The following AMN1 variants were observed in gnomAD, a reference collection of about 807,000 sequenced individuals.
AMN1 encodes protein AMN1 homolog.
Under a neutral mutation model 33.0 loss-of-function variants are expected in AMN1, and 20 were observed. That is an observed-to-expected ratio of 0.61 (90% CI 0.43 to 0.88). The LOEUF is 0.88. AMN1 is among the 40% of genes least tolerant of loss of function. The pLI is 0.00. For missense variants in AMN1, 246 were observed against 307.4 expected (o/e 0.80, Z 1.49); for synonymous variants, 114 against 111.9 (o/e 1.02, Z -0.12).
rs377293296 is a variant in AMN1, at chr12:31,697,426, A to T, written c.535-9T>A. ...ACACCACTGTCAGATACCTAAGCAA[A>T]GGGAAAAAGAAACACAGTCCATGAA... On this transcript the variant is annotated splice_polypyrimidine_tract_variant and intron_variant, in intron 4 of 6. Transcript: ENST00000281471. The T allele has an allele frequency of 2.5e-6, 4 of 1,611,770 alleles. No homozygotes were observed. In the African/African-American group the frequency reaches 5.3e-5, roughly 22 times the overall value.
intron 3 of AMN1, among the ~76,000 whole-genome samples, chr12:31,700,981 G>A (rs1360024334): frequency 1.3e-5 from 2 of 149,150 alleles, no homozygotes; most frequent in Admixed American, 6.7e-5. Context: ...GAGCCAACAC[G>A]CCTGGCCAAT....
chr12:31,672,423 G>T, intron 6 of AMN1, 46 bp from the exon 7 acceptor site: 2 of 1,334,978 alleles, frequency 1.5e-6, no homozygotes, highest in Non-Finnish European at 2.1e-6. Flanking sequence ...AATAAAAAAT[G>T]TTTAATGTTT....
At chr12:31,672,778 T>A in intron 6 of AMN1, 1 of 167,186 alleles carries the variant, frequency 6.0e-6, no homozygotes, top group South Asian at 1.5e-4. Flanking sequence ...GAAGGGAATA[T>A]TTACCAAAAA....
intron 2 of AMN1, among the ~76,000 whole-genome samples, chr12:31,707,559 C>T (rs1422531042): frequency 6.6e-6 from 1 of 152,186 alleles, no homozygotes; most frequent in Non-Finnish European, 1.5e-5. Context: ...CCTAGAAACC[C>T]TTATTCTAAC....
At chr12:31,675,796 C>T (rs1203826522) in intron 6 of AMN1, among the ~76,000 whole-genome samples, 6 of 151,700 alleles carry the variant, frequency 4.0e-5, no homozygotes, top group East Asian at 1.9e-4. Flanking sequence ...CGTGAGCCAC[C>T]GTTACCCGCC....
At chr12:31,723,551 C>G (rs571036919) in intron 1 of AMN1, among the ~76,000 whole-genome samples, 3 of 152,252 alleles carry the variant, frequency 2.0e-5, no homozygotes, top group African/African-American at 7.2e-5. Context: ...ACCTCGTGAT[C>G]CACCCGCCTC....
intron 2 of AMN1, among the ~76,000 whole-genome samples, chr12:31,704,555 C>T (rs1181118882): frequency 2.0e-5 from 3 of 151,106 alleles, no homozygotes; most frequent in Non-Finnish European, 2.9e-5. Flanking sequence ...CAAATCCATC[C>T]AACTTTTTTT....
At chr12:31,685,768 T>C (rs1446105548) in intron 6 of AMN1, among the ~76,000 whole-genome samples, 2 of 135,496 alleles carry the variant, frequency 1.5e-5, no homozygotes, top group Non-Finnish European at 1.5e-5. Flanking sequence ...ACCACTGCAC[T>C]CCAGCCTGGG....
At chr12:31,719,394 A>C (rs977416128) in intron 1 of AMN1, 16 of 842,178 alleles carry the variant, frequency 1.9e-5, no homozygotes, top group Non-Finnish European at 2.3e-5. Context: ...AAATTTCAAA[A>C]ATGTAGAGAA....
chr12:31,677,580 A>G (rs1937785834), intron 6 of AMN1, among the ~76,000 whole-genome samples: 1 of 152,090 alleles, frequency 6.6e-6, no homozygotes, highest in South Asian at 2.1e-4. Context: ...AAAATGAGGG[A>G]GTTGTATAGA....
Position 31,672,158 on chromosome 12 carries a change from A to T in AMN1, c.*146T>A. On this transcript the variant is annotated 3_prime_UTR_variant, in exon 7 of 7. Coordinates refer to ENST00000281471, the MANE Select transcript of AMN1 (RefSeq NM_001113402.2). ...ACAAACCATGTATATACCAAGACTT[A>T]GCTAATTCTCTGAGAGTTATAACTT... 1 of 620,096 alleles carries T rather than the reference A, an allele frequency of 1.6e-6. No individual in the cohort carries two copies. The highest frequency in any genetic ancestry group is 2.8e-5 in the East Asian group (1 of 35,500). 38.4% of individuals were successfully genotyped at this position (620,096 alleles called of 1,614,324 possible). A position where few individuals can be genotyped will look rare whatever the true frequency, so the allele number is the denominator to read the frequency against.
In AMN1 at chr12:31,671,799, T is replaced by C. The variant is rs1233171020; in HGVS notation, c.*505A>G. 1 of 152,578 alleles carries C rather than the reference T, an allele frequency of 6.6e-6. No homozygotes were observed. The highest frequency in any genetic ancestry group is 2.4e-5 in the African/African-American group (1 of 41,458). 9.5% of individuals were successfully genotyped at this position (152,578 alleles called of 1,614,324 possible). A position where few individuals can be genotyped will look rare whatever the true frequency, so the allele number is the denominator to read the frequency against. ...CAAATACCTAAATTCTTTGAAGAAT[T>C]AACAGGCTTGATGTTCAGGTCTGCT... On this transcript the variant is annotated 3_prime_UTR_variant, in exon 7 of 7. Transcript: ENST00000281471.
At chr12:31,718,938 G>A (rs774800277) in intron 1 of AMN1, among the ~76,000 whole-genome samples, 1 of 152,224 alleles carries the variant, frequency 6.6e-6, no homozygotes, top group Non-Finnish European at 1.5e-5. Flanking sequence ...ATCCCAGGTC[G>A]ATCTCAGACT....
At chr12:31,675,815 CA>C (rs1014303718) in intron 6 of AMN1, among the ~76,000 whole-genome samples, 1 of 151,702 alleles carries the variant, frequency 6.6e-6, no homozygotes, top group African/African-American at 2.4e-5. Flanking sequence ...CCAGGATGTC[CA>C]CTCTTGCCAT....
rs745447593 is a variant in AMN1, at chr12:31,701,906, AT to A, written c.272del (p.Asn91IlefsTer2). ...LSNCRKLKKL[N>X]LNASKGNRVS... is the part of the protein sequence containing the mutation. ...CTCGGTTCCCTTTTGAAGCATTTAA[AT>A]TTAATTTCTTCAGTTTTCTACAGTT... On this transcript the variant is annotated frameshift_variant, in exon 3 of 7. Transcript: ENST00000281471. LOFTEE classifies it high-confidence loss of function. The A allele has an allele frequency of 8.1e-6, 13 of 1,608,698 alleles. No homozygotes were observed. Among genetic ancestry groups the A allele is most frequent in the Non-Finnish European group, 1.0e-5 (12 of 1,178,584 alleles).
At chr12:31,699,253 T>C (rs1381543134) in intron 3 of AMN1, among the ~76,000 whole-genome samples, 1 of 151,512 alleles carries the variant, frequency 6.6e-6, no homozygotes, top group Non-Finnish European at 1.5e-5. Context: ...TAGCTGGGCA[T>C]GGTGTTACAT....
chr12:31,672,254 G>A lies in AMN1; in HGVS notation c.*50C>T. 2 of 1,275,162 alleles carry A rather than the reference G, an allele frequency of 1.6e-6. No individual in the cohort carries two copies. The highest frequency in any genetic ancestry group is 1.3e-5 in the South Asian group (1 of 77,272). The allele number at this position is 1,275,162 out of a possible 1,614,324, so 79.0% of individuals were successfully genotyped here. ...CAAATCTCTATAGATGGTTTCCTGG[G>A]AAAGTAGTTTTGATAAGCTTTCCTA... On this transcript the variant is annotated 3_prime_UTR_variant, in exon 7 of 7. Transcript: ENST00000281471.
intron 1 of AMN1, among the ~76,000 whole-genome samples, chr12:31,721,478 C>A (rs1038478685): frequency 6.6e-6 from 1 of 152,182 alleles, no homozygotes; most frequent in African/African-American, 2.4e-5. Flanking sequence ...TTGGCTGTTG[C>A]TATAATTCAT....
At chr12:31,719,656 A>G (rs1159594377) in intron 1 of AMN1, among the ~76,000 whole-genome samples, 1 of 152,210 alleles carries the variant, frequency 6.6e-6, no homozygotes, top group East Asian at 1.9e-4. Flanking sequence ...GAGAGTAGGC[A>G]TGTAATTTGG....
Sources: allele counts gnomAD v4.1 joint callset (sites outside exome capture counted in the v4.1 genomes callset), GRCh38; gene constraint gnomAD v4.1.1; transcripts MANE v1.5; gene names NCBI Gene and HGNC (gene_info 2026-07-23, HGNC 2026-07-21).